Variants in UNC13B observed in about 807,000 individuals in gnomAD.
The protein encoded by UNC13B is unc-13 homolog B, also known as protein unc-13 homolog B.
A neutral mutation model predicts 211.0 loss-of-function variants in UNC13B; 144 were observed. The ratio of observed to expected loss-of-function variants is 0.68; its 90% confidence interval spans 0.60 to 0.78. UNC13B has a LOEUF of 0.78. UNC13B is among the 30% of genes least tolerant of loss of function. The pLI, the probability that UNC13B is intolerant of heterozygous loss-of-function variation, is 0.00. For missense variants in UNC13B, 1,777 were observed against 2,002.0 expected (o/e 0.89, Z 2.14); for synonymous variants, 709 against 725.8 (o/e 0.98, Z 0.37).
At chr9:35,198,484 T>G (rs1178278661) in intron 1 of UNC13B, among the ~76,000 whole-genome samples, 2 of 152,294 alleles carry the variant, frequency 1.3e-5, no homozygotes, top group African/African-American at 4.8e-5. Flanking sequence ...CTTTATACAG[T>G]ATGTAGTCTC....
At chr9:35,217,690 C>T (rs1310529757) in intron 1 of UNC13B, among the ~76,000 whole-genome samples, 1 of 152,030 alleles carries the variant, frequency 6.6e-6, no homozygotes, top group Non-Finnish European at 1.5e-5. Flanking sequence ...TGCCCGGCGC[C>T]TACTATCATT....
At chr9:35,399,792 C>A in intron 36 of UNC13B, 63 bp downstream of exon 36, 1 of 1,524,480 alleles carries the variant, frequency 6.6e-7, no homozygotes, top group Non-Finnish European at 9.1e-7. Context: ...TGGCATTCCA[C>A]TCTCCCAGAC....
chr9:35,319,983 A>C, intron 11 of UNC13B, among the ~76,000 whole-genome samples: 1 of 152,200 alleles, frequency 6.6e-6, no homozygotes, highest in East Asian at 1.9e-4. Flanking sequence ...ATAAATGAGA[A>C]TATGCAATAT....
At chr9:35,212,352 C>T (rs1481546690) in intron 1 of UNC13B, among the ~76,000 whole-genome samples, 15 of 152,182 alleles carry the variant, frequency 9.9e-5, no homozygotes. Context: ...ATTAGTGGAT[C>T]GCTTGAGGCT....
chr9:35,274,847 C>A (rs570091451), intron 7 of UNC13B, among the ~76,000 whole-genome samples: 1 of 152,138 alleles, frequency 6.6e-6, no homozygotes, highest in African/African-American at 2.4e-5. Context: ...TTGCAGTGCT[C>A]CCCCATAAAA....
At chr9:35,217,483 G>A (rs1359937069) in intron 1 of UNC13B, among the ~76,000 whole-genome samples, 1 of 151,382 alleles carries the variant, frequency 6.6e-6, no homozygotes, top group Admixed American at 6.6e-5. Context: ...CCGCCTCCTG[G>A]GTTCACGCCA....
At chr9:35,178,188 G>A (rs1018312276) in intron 1 of UNC13B, among the ~76,000 whole-genome samples, 1 of 152,142 alleles carries the variant, frequency 6.6e-6, no homozygotes, top group African/African-American at 2.4e-5. Flanking sequence ...TAGATTGTAA[G>A]AGGCATCATT....
At chr9:35,173,125 A>T (rs1317369788) in intron 1 of UNC13B, among the ~76,000 whole-genome samples, 1 of 152,200 alleles carries the variant, frequency 6.6e-6, no homozygotes, top group Non-Finnish European at 1.5e-5. Context: ...CTAGCAACCA[A>T]TAAGGGGCTG....
intron 5 of UNC13B, among the ~76,000 whole-genome samples, chr9:35,238,909 A>AT (rs200109307): frequency 0.1 from 13,986 of 138,846 alleles, 1,190 homozygotes; most frequent in East Asian, 0.32. Flanking sequence ...GGGTTTTTTC[A>AT]TTTTTTTTTT....
At chr9:35,334,995 G>A (rs1313096737) in intron 11 of UNC13B, among the ~76,000 whole-genome samples, 2 of 152,152 alleles carry the variant, frequency 1.3e-5, no homozygotes, top group African/African-American at 4.8e-5. Flanking sequence ...CCGAGATCGC[G>A]CCACTGCATT....
chr9:35,258,781 G>A (rs1185221549), intron 6 of UNC13B, among the ~76,000 whole-genome samples: 4 of 152,182 alleles, frequency 2.6e-5, no homozygotes, highest in African/African-American at 7.2e-5. Flanking sequence ...GCTTTATTTA[G>A]CCTGTCTCAC....
In UNC13B at chr9:35,396,477, G is replaced by C. The variant is rs759268832; in HGVS notation, c.11310G>C (p.Glu3770Asp). ...FAQDMKYALE[E>D]HEKDHLCKSA... ...CCCAACCTTTCTCCCTACCACTAGA[G>C]CATGAGAAAGACCACCTGTGTAAAA... The change falls in exon 27 of 40, where the codon GAG (glutamate) becomes GAC (aspartate). Residue 3770 changes from glutamate to aspartate, a missense_variant and splice_region_variant. Physicochemically the swap from Glu to Asp is conservative, Grantham distance 45. Transcript: ENST00000635942. 1 of 1,613,980 alleles carries C rather than the reference G, an allele frequency of 6.2e-7. No homozygotes were observed. Among genetic ancestry groups the C allele is most frequent in the African/African-American group, 1.3e-5 (1 of 74,912 alleles).
intron 11 of UNC13B, among the ~76,000 whole-genome samples, chr9:35,330,329 C>T (rs1028001991): frequency 6.6e-6 from 1 of 152,208 alleles, no homozygotes; most frequent in African/African-American, 2.4e-5. Flanking sequence ...AACTGAATGA[C>T]CCATCAAAGG....
intron 11 of UNC13B, among the ~76,000 whole-genome samples, chr9:35,334,266 C>T (rs1318000279): frequency 1.3e-5 from 2 of 152,114 alleles, no homozygotes; most frequent in Non-Finnish European, 1.5e-5. Context: ...GCACCTAGCC[C>T]TGATATTCAT....
chr9:35,198,627 G>C (rs868179542), intron 1 of UNC13B, among the ~76,000 whole-genome samples: 1 of 152,182 alleles, frequency 6.6e-6, no homozygotes, highest in Non-Finnish European at 1.5e-5. Context: ...GGTTGGACGA[G>C]TGTGGAGGGC....
rs559567418 is a variant in UNC13B at position 35,259,681 on chromosome 9, C to T, written c.526+631C>T. Among the ~76,000 whole-genome samples, 15 of 151,414 alleles carry T rather than the reference C, an allele frequency of 9.9e-5. No individual in the cohort carries two copies. The Middle Eastern group carries it at 0.01, about 103-fold the overall frequency. On this transcript the variant is annotated intron_variant, in intron 7 of 39. Coordinates refer to ENST00000635942, the MANE Select transcript of UNC13B (RefSeq NM_001371189.2). ...CATACGTTTTTGGTATATTGTTACC[C>T]TCTCCCCAGTTTCCCTCAAAACAGC... is the stretch of plus-strand genomic sequence containing the variant.
intron 6 of UNC13B, among the ~76,000 whole-genome samples, chr9:35,258,164 A>G (rs1827044985): frequency 6.6e-6 from 1 of 152,328 alleles, no homozygotes; most frequent in South Asian, 2.1e-4. Context: ...CTCATAGCTT[A>G]TGAATAAGTG....
chr9:35,262,791 G>A (rs1473932690), intron 7 of UNC13B, among the ~76,000 whole-genome samples: 1 of 151,994 alleles, frequency 6.6e-6, no homozygotes, highest in Non-Finnish European at 1.5e-5. Context: ...AATTAGTCAG[G>A]CATAGTGGTG....
At chr9:35,376,286 G>T in intron 15 of UNC13B, 39 bp downstream of exon 15, 3 of 1,598,088 alleles carry the variant, frequency 1.9e-6, no homozygotes, top group Non-Finnish European at 2.6e-6. Context: ...GAGTGGGGCA[G>T]CAGGGGCTTT....
Sources: allele counts gnomAD v4.1 joint callset (sites outside exome capture counted in the v4.1 genomes callset), GRCh38; gene constraint gnomAD v4.1.1; transcripts MANE v1.5; gene names NCBI Gene and HGNC (gene_info 2026-07-23, HGNC 2026-07-21).